CSMD1: variants seen among roughly 807,000 people sequenced by gnomAD.
CSMD1 encodes CUB and Sushi multiple domains 1, also known as CUB and sushi domain-containing protein 1.
Under a neutral mutation model 417.5 loss-of-function variants are expected in CSMD1, and 213 were observed. The observed-to-expected ratio is 0.51, with a 90% CI of 0.46 to 0.57. The LOEUF (loss-of-function observed/expected upper bound fraction) is 0.57, where lower values mean the gene tolerates loss of function less well. CSMD1 is among the 20% of genes least tolerant of loss of function. CSMD1 has a pLI of 0.00. For synonymous variants in CSMD1, 2,862 were observed against 1,736.8 expected, an observed-to-expected ratio of 1.65 and a Z score of -16.11; for missense variants, 6,923 against 4,529.7, an observed-to-expected ratio of 1.53 and a Z score of -15.17.
intron 7 of CSMD1, among the ~76,000 whole-genome samples, chr8:3,702,675 T>C (rs546911890): frequency 3.9e-5 from 6 of 152,078 alleles, no homozygotes; most frequent in Admixed American, 6.6e-5. Context: ...TACTAAAAAA[T>C]AGAAAAATTA....
At position 4,041,192 on chromosome 8, in the gene CSMD1, T is replaced by G. The variant is rs182924148; in HGVS notation, c.416-9093A>C. ...CCACCACGCCCGGCTAATTTTTTTG[T>G]ATTTTTGGTAGAGACGGGGTTTCAC... On this transcript the variant is annotated intron_variant, in intron 3 of 69. Transcript: ENST00000635120. 6.2e-3 allele frequency among the ~76,000 whole-genome samples: 949 copies of G among 151,912 alleles called. 13 individuals are homozygous for G. The highest frequency in any genetic ancestry group is 0.022 in the African/African-American group (911 of 41,446).
chr8:4,547,852 C>T (rs903432462), intron 2 of CSMD1, among the ~76,000 whole-genome samples: 1 of 151,980 alleles, frequency 6.6e-6, no homozygotes, highest in African/African-American at 2.4e-5. Context: ...TGTTGTTGCA[C>T]GGGGATTGGA....
intron 1 of CSMD1, among the ~76,000 whole-genome samples, chr8:4,942,445 C>T (rs979785116): frequency 4.3e-4 from 65 of 152,246 alleles, no homozygotes; most frequent in African/African-American, 1.2e-3. Flanking sequence ...CCCAACCAAC[C>T]ATCATGACAA....
At chr8:3,978,901 A>C (rs1407746273) in intron 5 of CSMD1, among the ~76,000 whole-genome samples, 1 of 152,238 alleles carries the variant, frequency 6.6e-6, no homozygotes, top group Non-Finnish European at 1.5e-5. Flanking sequence ...AACAGTGAGA[A>C]GACAAGGAAT....
At chr8:4,373,837 A>G (rs1439399838) in intron 3 of CSMD1, among the ~76,000 whole-genome samples, 1 of 152,166 alleles carries the variant, frequency 6.6e-6, no homozygotes, top group Non-Finnish European at 1.5e-5. Context: ...TAGCCAAAGG[A>G]GCTTTTCTAT....
chr8:3,186,012 G>A (rs1821732986), intron 36 of CSMD1, among the ~76,000 whole-genome samples: 1 of 150,680 alleles, frequency 6.6e-6, no homozygotes, highest in Non-Finnish European at 1.5e-5. Context: ...ATTTTTCCCA[G>A]GTAGCTTTTT....
intron 11 of CSMD1, among the ~76,000 whole-genome samples, chr8:3,477,352 A>G (rs1817491602): frequency 6.6e-6 from 1 of 152,216 alleles, no homozygotes; most frequent in South Asian, 2.1e-4. Flanking sequence ...CCTAAAACTG[A>G]ACTGCTTTGT....
chr8:3,861,201 T>A (rs1414738102), intron 5 of CSMD1, among the ~76,000 whole-genome samples: 1 of 152,160 alleles, frequency 6.6e-6, no homozygotes, highest in African/African-American at 2.4e-5. Flanking sequence ...GCAACGAGGT[T>A]CAGTTGTCTA....
At chr8:3,758,973 T>C (rs1489669933) in intron 5 of CSMD1, among the ~76,000 whole-genome samples, 2 of 152,210 alleles carry the variant, frequency 1.3e-5, no homozygotes, top group Non-Finnish European at 2.9e-5. Flanking sequence ...CTTCACCCTC[T>C]TGGCTGACAA....
At chr8:4,305,367 C>T (rs1798190845) in intron 3 of CSMD1, among the ~76,000 whole-genome samples, 1 of 152,094 alleles carries the variant, frequency 6.6e-6, no homozygotes, top group African/African-American at 2.4e-5. Flanking sequence ...ATCTAAGGGG[C>T]TTGCAGGGAT....
At chr8:3,102,828 G>C (rs1192038664) in intron 46 of CSMD1, among the ~76,000 whole-genome samples, 1 of 152,200 alleles carries the variant, frequency 6.6e-6, no homozygotes, top group Non-Finnish European at 1.5e-5. Context: ...GTAACAAAGA[G>C]TTTTCCCTAG....
At chr8:3,369,193 G>A in intron 19 of CSMD1, 61 bp downstream of exon 19, 1 of 791,992 alleles carries the variant, frequency 1.3e-6, no homozygotes, top group Non-Finnish European at 2.2e-6. Context: ...TTTTTGTTTT[G>A]TTCCCGTTTT....
intron 22 of CSMD1, among the ~76,000 whole-genome samples, chr8:3,344,104 C>T (rs113764311): frequency 1.6e-4 from 24 of 152,050 alleles, no homozygotes; most frequent in Admixed American, 2.6e-4. Context: ...AATAAGTATA[C>T]GGAAGATAAG....
At chr8:4,588,934 T>C (rs1419441212) in intron 2 of CSMD1, among the ~76,000 whole-genome samples, 2 of 152,082 alleles carry the variant, frequency 1.3e-5, no homozygotes, top group Non-Finnish European at 1.5e-5. Context: ...TACATACACA[T>C]ATACATTGCC....
chr8:3,353,141 G>A (rs1004224235), intron 21 of CSMD1, among the ~76,000 whole-genome samples: 1 of 152,134 alleles, frequency 6.6e-6, no homozygotes, highest in Non-Finnish European at 1.5e-5. Flanking sequence ...TAATCCATGA[G>A]GGCTACTTGC....
At chr8:4,290,723 T>C (rs888643271) in intron 3 of CSMD1, among the ~76,000 whole-genome samples, 1 of 152,220 alleles carries the variant, frequency 6.6e-6, no homozygotes, top group Non-Finnish European at 1.5e-5. Flanking sequence ...ATAATGTTCA[T>C]TAACTTTATC....
Position 3,359,184 on chromosome 8 carries a change from C to A in CSMD1, c.3272G>T (p.Arg1091Leu). The change falls in exon 21 of 70, where the codon CGT (arginine) becomes CTT (leucine). Residue 1091 changes from arginine to leucine, a missense_variant. By Grantham distance (102) the Arg-to-Leu change is moderately radical (BLOSUM62 -2). Coordinates refer to ENST00000635120, the MANE Select transcript of CSMD1 (RefSeq NM_033225.6). ...CCTTGGCAGAGGTGCACTCCACACA[C>A]GGCGGCCCCCACCCAGGCAGGTAAG... ...TKLTCLGGGR[R>L]VWSAPLPRCV... is the part of the protein sequence containing the mutation. 6.2e-7 allele frequency: 1 copy of A among 1,613,984 alleles called. No homozygotes were observed.
chr8:3,020,164 T>A (rs529701291), intron 51 of CSMD1, among the ~76,000 whole-genome samples: 1 of 152,346 alleles, frequency 6.6e-6, no homozygotes, highest in South Asian at 2.1e-4. Context: ...TGTTATGGGT[T>A]GATAATAGCT....
chr8:4,607,502 C>G (rs191578392), intron 2 of CSMD1, among the ~76,000 whole-genome samples: 1 of 152,258 alleles, frequency 6.6e-6, no homozygotes, highest in Non-Finnish European at 1.5e-5. Context: ...GTGTGCCAAG[C>G]TGGCTAAGAC....
Sources: gnomAD v4.1 joint callset for allele counts (sites outside exome capture counted in the v4.1 genomes callset) on GRCh38, gnomAD v4.1.1 for gene constraint, MANE v1.5 for transcripts, NCBI Gene and HGNC (gene_info 2026-07-23, HGNC 2026-07-21) for gene names.